PALLD: variants seen among roughly 807,000 people sequenced by gnomAD.
The protein encoded by PALLD is palladin, cytoskeletal associated protein, also known as palladin.
Under a neutral mutation model 123.5 loss-of-function variants are expected in PALLD, and 61 were observed. The observed-to-expected ratio is 0.49, with a 90% confidence interval of 0.40 to 0.61. The LOEUF (loss-of-function observed/expected upper bound fraction) is 0.61, where lower values mean the gene tolerates loss of function less well. PALLD is among the 20% of genes least tolerant of loss of function. PALLD has a pLI of 0.00. For synonymous variants in PALLD, 465 were observed against 496.4 expected (o/e 0.94, Z 0.84); for missense variants, 1,273 against 1,377.0 (o/e 0.92, Z 1.20).
At chr4:168,619,593 G>A (rs1774558224) in intron 2 of PALLD, among the ~76,000 whole-genome samples, 1 of 152,176 alleles carries the variant, frequency 6.6e-6, no homozygotes, top group Non-Finnish European at 1.5e-5. Context: ...GAGAAGTTTG[G>A]AGATCAACTG....
chr4:168,667,101 T>C (rs12649186), intron 2 of PALLD, among the ~76,000 whole-genome samples: 17,533 of 152,212 alleles, frequency 0.12, 1,119 homozygotes, highest in African/African-American at 0.18. Context: ...GGGTTGATAC[T>C]CAGAGTATTA....
In PALLD at chr4:168,590,885, T is replaced by G. The variant is rs978407682; in HGVS notation, c.909-77305T>G. Among the ~76,000 whole-genome samples the G allele has an allele frequency of 2.2e-4, 31 of 141,212 alleles. 1 individual carries two copies. The highest frequency in any genetic ancestry group is 3.4e-4 in the Non-Finnish European group (22 of 65,358). The allele number at this position is 141,212 out of a possible 152,430, so 92.6% of individuals were successfully genotyped here. On this transcript the variant is annotated intron_variant, in intron 2 of 21. Transcript: ENST00000505667. ...GAAAGTTTTTTTTTTTTTTTTTTTT[T>G]TTTTTTTTTTTGAGAGGGAGTTTCA...
chr4:168,769,149 A>G (rs187865767), intron 10 of PALLD, among the ~76,000 whole-genome samples: 47 of 152,188 alleles, frequency 3.1e-4, no homozygotes, highest in African/African-American at 1.1e-3. Context: ...GTGTGTATAG[A>G]TGACTTTTCC....
chr4:168,510,977 G>A (rs1431344477), intron 1 of PALLD, among the ~76,000 whole-genome samples: 1 of 152,192 alleles, frequency 6.6e-6, no homozygotes, highest in Non-Finnish European at 1.5e-5. Flanking sequence ...AGACAATAAA[G>A]TTTCAAAGAT....
At chr4:168,571,693 G>C (rs921078207) in intron 2 of PALLD, among the ~76,000 whole-genome samples, 1 of 152,028 alleles carries the variant, frequency 6.6e-6, no homozygotes, top group African/African-American at 2.4e-5. Context: ...TGGTTTTATC[G>C]GCAGAATGCA....
chr4:168,557,686 T>C (rs1027218309), intron 2 of PALLD, among the ~76,000 whole-genome samples: 10 of 152,314 alleles, frequency 6.6e-5, no homozygotes, highest in South Asian at 4.1e-4. Flanking sequence ...TAAGGTGCCC[T>C]ACATGTGCAT....
At chr4:168,819,761 G>A (rs771104650) in intron 10 of PALLD, among the ~76,000 whole-genome samples, 2 of 152,174 alleles carry the variant, frequency 1.3e-5, no homozygotes, top group Non-Finnish European at 2.9e-5. Flanking sequence ...AAAAGCAGAG[G>A]AGAAGCAAAG....
intron 2 of PALLD, among the ~76,000 whole-genome samples, chr4:168,540,208 A>G (rs1162128146): frequency 1.3e-5 from 2 of 152,210 alleles, no homozygotes; most frequent in Non-Finnish European, 2.9e-5. Context: ...GGCTTTCCAC[A>G]GTGACTTCCA....
chr4:168,574,726 C>T (rs1323103936), intron 2 of PALLD, among the ~76,000 whole-genome samples: 1 of 152,064 alleles, frequency 6.6e-6, no homozygotes, highest in Non-Finnish European at 1.5e-5. Flanking sequence ...AGTACCAACT[C>T]TTTTGCCCTG....
At chr4:168,723,817 A>G (rs781358386) in intron 10 of PALLD, among the ~76,000 whole-genome samples, 13 of 148,846 alleles carry the variant, frequency 8.7e-5, no homozygotes, top group Non-Finnish European at 1.6e-4. Flanking sequence ...TTAGCCTCCT[A>G]TTTATTTTAG....
At chr4:168,909,692 T>TC (rs1230367680) in intron 15 of PALLD, among the ~76,000 whole-genome samples, 1 of 152,198 alleles carries the variant, frequency 6.6e-6, no homozygotes, top group African/African-American at 2.4e-5. Context: ...TTAATGTGCA[T>TC]CAGAGCCTAC....
intron 8 of PALLD, among the ~76,000 whole-genome samples, chr4:168,699,680 T>A (rs1236604336): frequency 6.6e-6 from 1 of 152,114 alleles, no homozygotes; most frequent in Non-Finnish European, 1.5e-5. Context: ...AAGTGTTAAG[T>A]AGGTCCAGGA....
intron 2 of PALLD, among the ~76,000 whole-genome samples, chr4:168,592,730 TAA>T (rs56404479): frequency 9.5e-5 from 14 of 146,912 alleles, no homozygotes; most frequent in East Asian, 4.0e-4. Flanking sequence ...TTTGAAATAT[TAA>T]AAAAAAAAAA....
At chr4:168,661,174 T>C (rs572652784) in intron 2 of PALLD, among the ~76,000 whole-genome samples, 1 of 152,226 alleles carries the variant, frequency 6.6e-6, no homozygotes, top group Non-Finnish European at 1.5e-5. Flanking sequence ...CCCAAAGTGC[T>C]GGGATTACAG....
At chr4:168,551,350 T>G (rs1561237496) in intron 2 of PALLD, among the ~76,000 whole-genome samples, 1 of 152,202 alleles carries the variant, frequency 6.6e-6, no homozygotes, top group Non-Finnish European at 1.5e-5. Context: ...ATAACTTGCT[T>G]AAGAACTGGC....
chr4:168,698,778 T>C (rs540844187), intron 8 of PALLD, among the ~76,000 whole-genome samples: 1 of 152,306 alleles, frequency 6.6e-6, no homozygotes, highest in Non-Finnish European at 1.5e-5. Context: ...TTTTCTTTAG[T>C]CAGCCAAGAT....
intron 10 of PALLD, among the ~76,000 whole-genome samples, chr4:168,794,439 A>ATATAGACATACGCGCACGCG (rs1738114543): frequency 9.4e-6 from 1 of 106,526 alleles, no homozygotes; most frequent in African/African-American, 3.3e-5. Flanking sequence ...GCGCGCACAC[A>ATATAGACATACGCGCACGCG]CATAGACATA....
chr4:168,819,446 C>T (rs1742414478), intron 10 of PALLD, among the ~76,000 whole-genome samples: 1 of 151,950 alleles, frequency 6.6e-6, no homozygotes. Flanking sequence ...TCATCAGCAG[C>T]ACCCCAGTTT....
At chr4:168,848,083 T>G (rs922266020) in intron 10 of PALLD, among the ~76,000 whole-genome samples, 9 of 152,056 alleles carry the variant, frequency 5.9e-5, no homozygotes, top group Admixed American at 3.9e-4. Flanking sequence ...GGTGCTAAGT[T>G]CCTGGAGAGT....
Sources: gnomAD v4.1 joint callset for allele counts (sites outside exome capture counted in the v4.1 genomes callset) on GRCh38, gnomAD v4.1.1 for gene constraint, MANE v1.5 for transcripts, NCBI Gene and HGNC (gene_info 2026-07-23, HGNC 2026-07-21) for gene names.